P4HA2: variants seen among roughly 807,000 people sequenced by gnomAD.
The protein encoded by P4HA2 is prolyl 4-hydroxylase subunit alpha-2.
Under a neutral mutation model 76.9 loss-of-function variants are expected in P4HA2, and 46 were observed. The ratio of observed to expected loss-of-function variants is 0.60; its 90% CI spans 0.47 to 0.76. P4HA2 has a LOEUF of 0.76. Among genes scored for constraint, P4HA2 ranks in the 30% least tolerant of loss-of-function variants. P4HA2 has a pLI of 0.00. For missense variants in P4HA2, 583 were observed against 669.4 expected, an observed-to-expected ratio of 0.87 and a Z score of 1.42; for synonymous variants, 243 against 254.0, an observed-to-expected ratio of 0.96 and a Z score of 0.41.
At chr5:132,213,374 A>G (rs1753363813) in intron 5 of P4HA2, among the ~76,000 whole-genome samples, 1 of 152,148 alleles carries the variant, frequency 6.6e-6, no homozygotes, top group African/African-American at 2.4e-5. Context: ...TAGCCTAACC[A>G]GGAGGGGAGA....
chr5:132,204,166 G>A lies in P4HA2; in HGVS notation c.1081-14C>T, dbSNP rs376988256. The A allele has an allele frequency of 4.4e-6, 7 of 1,597,326 alleles. No homozygotes were observed. In the South Asian group the frequency reaches 4.4e-5, roughly 10 times the overall value. The stretch of plus-strand genomic sequence containing the variant: ...GGCTCGTGCAAGCTAGAAGGAAGGA[G>A]GAGAGGGAAGACTTGATTTGTTTGT... On this transcript the variant is annotated splice_polypyrimidine_tract_variant and intron_variant, in intron 8 of 14. Coordinates refer to ENST00000360568, the MANE Select transcript of P4HA2 (RefSeq NM_001017974.2).
At chr5:132,213,767 G>A in intron 5 of P4HA2, 149 bp downstream of exon 5, 3 of 712,260 alleles carry the variant, frequency 4.2e-6, no homozygotes, top group Non-Finnish European at 7.3e-6. Flanking sequence ...AACCTGTCAT[G>A]GGAGAGGGAG....
At chr5:132,219,164 G>A (rs1754309846) in intron 1 of P4HA2, among the ~76,000 whole-genome samples, 1 of 152,138 alleles carries the variant, frequency 6.6e-6, no homozygotes, top group African/African-American at 2.4e-5. Flanking sequence ...CCCAAACTAA[G>A]GTGTACAACA....
At chr5:132,210,625 AC>A in intron 5 of P4HA2, 102 bp from the exon 6 acceptor site, 3 of 1,096,120 alleles carry the variant, frequency 2.7e-6, no homozygotes, top group Non-Finnish European at 4.2e-6. Flanking sequence ...AGGGGGCATC[AC>A]CAAGCAGAAC....
Position 132,207,697 on chromosome 5 carries a change from G to T in P4HA2, c.1080+11C>A, listed in dbSNP as rs746612216. 8.7e-6 allele frequency: 14 copies of T among 1,611,974 alleles called. No homozygotes were observed. Among genetic ancestry groups the T allele is most frequent in the Admixed American group, 1.7e-5 (1 of 59,940 alleles). ...TTCAGTGACCCGAGAAGGACCTACA[G>T]TGACACCTACTTTAGGTTTTGCGAT... On this transcript the variant is annotated intron_variant, in intron 8 of 14. Coordinates refer to ENST00000360568, the MANE Select transcript of P4HA2 (RefSeq NM_001017974.2).
chr5:132,224,855 C>T (rs1011970154), intron 1 of P4HA2, among the ~76,000 whole-genome samples: 8 of 151,688 alleles, frequency 5.3e-5, no homozygotes, highest in Non-Finnish European at 1.0e-4. Context: ...ACAGGCCACA[C>T]TCTAAGCAAG....
chr5:132,201,060 G>A (rs4361509), intron 10 of P4HA2: 52,275 of 152,202 alleles, frequency 0.34, 10,044 homozygotes, highest in Non-Finnish European at 0.45. Flanking sequence ...CGTCAAGACC[G>A]ATTCATGTGA....
intron 1 of P4HA2, among the ~76,000 whole-genome samples, chr5:132,222,245 C>T (rs1421075150): frequency 6.6e-6 from 1 of 152,224 alleles, no homozygotes; most frequent in African/African-American, 2.4e-5. Flanking sequence ...CTGCCTCCAA[C>T]TCTAGGATAA....
intron 8 of P4HA2, among the ~76,000 whole-genome samples, chr5:132,207,490 C>T (rs1039734766): frequency 2.0e-5 from 3 of 152,162 alleles, no homozygotes; most frequent in Non-Finnish European, 2.9e-5. Context: ...TATGATAGCA[C>T]TTGGCTGTCC....
In P4HA2 at chr5:132,210,454, C is replaced by T. The variant is rs769298635; in HGVS notation, c.539G>A (p.Gly180Glu). The change falls in exon 6 of 15, where the codon GGG (glycine) becomes GAG (glutamate). Residue 180 changes from glycine to glutamate, a missense_variant. By Grantham distance (98) the Gly-to-Glu change is moderately conservative. Coordinates refer to ENST00000360568, the MANE Select transcript of P4HA2 (RefSeq NM_001017974.2). ...FGMGRSAYNE[G>E]DYYHTVLWME... is the part of the protein sequence containing the mutation. ...CCACAACACCGTATGATAATAGTCC[C>T]CTTCATTGTAGGCCGAGCGGCCCAT... The T allele has an allele frequency of 1.2e-6, 2 of 1,614,122 alleles. No homozygotes were observed. Among genetic ancestry groups the T allele is most frequent in the South Asian group, 2.2e-5 (2 of 91,082 alleles).
chr5:132,197,739 T>C (rs1750868435), intron 12 of P4HA2, among the ~76,000 whole-genome samples: 1 of 151,664 alleles, frequency 6.6e-6, no homozygotes, highest in Admixed American at 6.6e-5. Flanking sequence ...TTTATTTAAG[T>C]AACCAAAATC....
Position 132,198,866 on chromosome 5 carries a change from A to G in P4HA2, c.1305+13T>C. On this transcript the variant is annotated intron_variant, in intron 11 of 14. Transcript: ENST00000360568. ...GCAGGGCCCTTTGAAAGCACCTGTG[A>G]TTTAGGCCTTACCCTAGAGAAGTCG... is the stretch of plus-strand genomic sequence containing the variant. The G allele has an allele frequency of 8.8e-6, 14 of 1,597,898 alleles. No individual in the cohort carries two copies. Among genetic ancestry groups the G allele is most frequent in the African/African-American group, 1.3e-5 (1 of 74,670 alleles).
intron 8 of P4HA2, among the ~76,000 whole-genome samples, chr5:132,204,708 A>G (rs910683268): frequency 9.2e-5 from 14 of 152,352 alleles, no homozygotes; most frequent in African/African-American, 3.1e-4. Flanking sequence ...AGAAGCAAAG[A>G]CAGATGGCAC....
intron 5 of P4HA2, among the ~76,000 whole-genome samples, chr5:132,212,711 C>T (rs1056647277): frequency 1.2e-4 from 19 of 152,192 alleles, no homozygotes; most frequent in Middle Eastern, 3.2e-3. Context: ...CTGTGCTCAC[C>T]TGGGGAAGGT....
intron 8 of P4HA2, 115 bp downstream of exon 8, chr5:132,207,593 G>C: frequency 1.3e-6 from 1 of 798,636 alleles, no homozygotes; most frequent in Non-Finnish European, 2.1e-6. Context: ...GTAGGCCCAT[G>C]CTAGATATGG....
intron 5 of P4HA2, among the ~76,000 whole-genome samples, chr5:132,213,426 C>A (rs1451558153): frequency 6.6e-6 from 1 of 152,078 alleles, no homozygotes; most frequent in Non-Finnish European, 1.5e-5. Flanking sequence ...CTCTCAGATA[C>A]CGAGGGAGGC....
At chr5:132,204,249 T>C (rs1751901544) in intron 8 of P4HA2, 97 bp from the exon 9 acceptor site, 3 of 967,070 alleles carry the variant, frequency 3.1e-6, no homozygotes, top group Non-Finnish European at 5.0e-6. Flanking sequence ...TTTACTGCCA[T>C]GCTAGTGGAG....
chr5:132,193,775 A>T (rs1380333758), intron 14 of P4HA2, among the ~76,000 whole-genome samples: 1 of 152,188 alleles, frequency 6.6e-6, no homozygotes, highest in Non-Finnish European at 1.5e-5. Context: ...CATATCTTCA[A>T]ACACACAGGA....
intron 10 of P4HA2, chr5:132,201,924 A>C (rs977456367): frequency 2.0e-5 from 3 of 152,264 alleles, no homozygotes; most frequent in Non-Finnish European, 4.4e-5. Flanking sequence ...TCAGCCAAGC[A>C]GACTGTGGTC....
Sources: allele counts gnomAD v4.1 joint callset (sites outside exome capture counted in the v4.1 genomes callset), GRCh38; gene constraint gnomAD v4.1.1; transcripts MANE v1.5; gene names NCBI Gene and HGNC (gene_info 2026-07-23, HGNC 2026-07-21).